ARMC8: variants seen among roughly 807,000 people sequenced by gnomAD.
The protein encoded by ARMC8 is armadillo repeat-containing protein 8.
In ARMC8, 20 loss-of-function variants were observed where a neutral mutation model predicts 99.3. That is an observed-to-expected ratio of 0.20 (90% CI 0.14 to 0.29). The LOEUF is 0.29. Ranked by LOEUF, ARMC8 falls within the 10% of genes least tolerant of loss-of-function variation. ARMC8 has a pLI of 1.00. For missense variants in ARMC8, 569 were observed against 809.5 expected, an observed-to-expected ratio of 0.70 and a Z score of 3.60; for synonymous variants, 263 against 278.3, an observed-to-expected ratio of 0.95 and a Z score of 0.55.
intron 2 of ARMC8, among the ~76,000 whole-genome samples, chr3:138,217,863 G>C (rs1480293703): frequency 7.2e-5 from 11 of 152,094 alleles, no homozygotes; most frequent in Admixed American, 6.5e-4. Flanking sequence ...GCACCCATGT[G>C]CCCAGACATG....
At chr3:138,199,496 A>AG (rs940733031) in intron 1 of ARMC8, among the ~76,000 whole-genome samples, 3 of 152,192 alleles carry the variant, frequency 2.0e-5, no homozygotes, top group African/African-American at 7.2e-5. Context: ...TTCCAAGTAG[A>AG]GGCAGATTTT....
At position 138,276,747 on chromosome 3, in the gene ARMC8, TAATG is replaced by T. The variant is rs200704694; in HGVS notation, c.1725+2206_1725+2209del. On this transcript the variant is annotated intron_variant, in intron 18 of 21. Transcript: ENST00000469044. ...ATACTGAAAACTATAAAAACACTGATAATGAAAGAAATCCAGGACCCAAATAAAT... is the reference window on the plus strand; with the variant it reads ...ATACTGAAAACTATAAAAACACTGATAAAGAAATCCAGGACCCAAATAAAT... Among the ~76,000 whole-genome samples the T allele has an allele frequency of 4.4e-4, 67 of 152,260 alleles. No individual in the cohort carries two copies. In the East Asian group the frequency reaches 0.013, roughly 29 times the overall value.
At chr3:138,196,046 T>G (rs747670677) in intron 1 of ARMC8, among the ~76,000 whole-genome samples, 11 of 152,168 alleles carry the variant, frequency 7.2e-5, no homozygotes, top group Admixed American at 1.3e-4. Flanking sequence ...TCTATTAATA[T>G]TGGGAGGTCT....
intron 21 of ARMC8, among the ~76,000 whole-genome samples, chr3:138,293,308 G>A (rs192967043): frequency 2.6e-5 from 4 of 152,310 alleles, no homozygotes; most frequent in Admixed American, 1.3e-4. Context: ...TTGGGAGGCC[G>A]AGGTAAGCGG....
chr3:138,217,811 AAATC>A (rs1485325875), intron 2 of ARMC8, among the ~76,000 whole-genome samples: 1 of 152,214 alleles, frequency 6.6e-6, no homozygotes, highest in Non-Finnish European at 1.5e-5. Context: ...ACAAAGTCAA[AAATC>A]AATCCTTGTC....
intron 12 of ARMC8, among the ~76,000 whole-genome samples, chr3:138,248,884 AC>A (rs1480307583): frequency 1.3e-5 from 2 of 152,214 alleles, no homozygotes; most frequent in Admixed American, 1.3e-4. Flanking sequence ...AATGTTAAGT[AC>A]GTATTGTAAC....
chr3:138,201,819 T>G (rs915357920), intron 1 of ARMC8, among the ~76,000 whole-genome samples: 1 of 152,210 alleles, frequency 6.6e-6, no homozygotes. Context: ...TCATCCTTAC[T>G]TAGAGATTAT....
rs1340964268 is a variant in ARMC8 at position 138,235,110 on chromosome 3, A to G, written c.605A>G (p.Tyr202Cys). The G allele has an allele frequency of 2.5e-6, 4 of 1,611,476 alleles. No individual in the cohort carries two copies. ...NIAHLLTSLS[Y>C]KVRMQALKCF... Reference sequence around the variant, plus strand: ...GCTCACCTACTAACCTCACTGTCCTACAAAGTAAGATGTTAAAAATTGTGG... The same window carrying G: ...GCTCACCTACTAACCTCACTGTCCTGCAAAGTAAGATGTTAAAAATTGTGG... The change falls in exon 7 of 22, where the codon TAC (tyrosine) becomes TGC (cysteine). Residue 202 changes from tyrosine to cysteine, a missense_variant. Around this residue, in one of 2 missense-constraint regions of ARMC8, gnomAD observed 342 missense variants for 391.6 expected, o/e 0.87. Coordinates refer to ENST00000469044, the MANE Select transcript of ARMC8 (RefSeq NM_001363941.2).
At chr3:138,260,341 A>G (rs960626433) in intron 12 of ARMC8, among the ~76,000 whole-genome samples, 1 of 152,178 alleles carries the variant, frequency 6.6e-6, no homozygotes, top group East Asian at 1.9e-4. Context: ...GAGATAAAAT[A>G]ATCATTACTG....
intron 5 of ARMC8, among the ~76,000 whole-genome samples, chr3:138,227,058 T>A (rs1421088331): frequency 6.6e-6 from 1 of 152,150 alleles, no homozygotes; most frequent in Non-Finnish European, 1.5e-5. Flanking sequence ...AAAAGCTGTT[T>A]GAGCAACTCT....
At chr3:138,188,668 T>G in intron 1 of ARMC8, 1 of 1,128,152 alleles carries the variant, frequency 8.9e-7, no homozygotes, top group Non-Finnish European at 1.3e-6. Context: ...GTTCCTAGAG[T>G]CTTGTAACTA....
chr3:138,290,156 C>T (rs986977271), intron 20 of ARMC8, among the ~76,000 whole-genome samples: 3 of 152,144 alleles, frequency 2.0e-5, no homozygotes, highest in Non-Finnish European at 4.4e-5. Context: ...GAAGATAAGA[C>T]CTGCTTAGAG....
intron 8 of ARMC8, 45 bp downstream of exon 8, chr3:138,237,429 A>C (rs1013413921): frequency 6.2e-7 from 1 of 1,611,024 alleles, no homozygotes; most frequent in Non-Finnish European, 8.5e-7. Flanking sequence ...TAATTGATGA[A>C]CTTTTTAGAT....
At chr3:138,222,266 A>C (rs1031960583) in intron 3 of ARMC8, among the ~76,000 whole-genome samples, 9 of 152,226 alleles carry the variant, frequency 5.9e-5, no homozygotes, top group African/African-American at 2.2e-4. Context: ...TAAAGTACAT[A>C]TGCAATGTAC....
At chr3:138,255,072 A>G (rs2047313166) in intron 12 of ARMC8, among the ~76,000 whole-genome samples, 1 of 152,080 alleles carries the variant, frequency 6.6e-6, no homozygotes, top group Admixed American at 6.5e-5. Flanking sequence ...CCTTCAAGAG[A>G]AAGGATCAAA....
Position 138,295,959 on chromosome 3 carries a change from C to T in ARMC8, c.*67C>T. ...TTTAAGGAAGTACAGGAACCAGCCT[C>T]ATTTGATTCCTTCTATTTGCACAAG... On this transcript the variant is annotated 3_prime_UTR_variant, in exon 22 of 22. Transcript: ENST00000469044. The T allele has an allele frequency of 6.5e-7, 1 of 1,539,652 alleles. No individual in the cohort carries two copies. The highest frequency in any genetic ancestry group is 8.9e-7 in the Non-Finnish European group (1 of 1,123,022).
At chr3:138,197,642 C>G (rs1246581029) in intron 1 of ARMC8, among the ~76,000 whole-genome samples, 3 of 152,174 alleles carry the variant, frequency 2.0e-5, no homozygotes, top group African/African-American at 7.2e-5. Context: ...GAGGATATCT[C>G]AGTCTTTGTG....
chr3:138,284,568 G>T, intron 19 of ARMC8, 42 bp downstream of exon 19: 1 of 1,399,468 alleles, frequency 7.1e-7, no homozygotes. Context: ...AGAATGCAGG[G>T]ACTGTTGCAT....
rs1250999383 is a variant in ARMC8 at position 138,246,930 on chromosome 3, A to G, written c.1134+1747A>G. On this transcript the variant is annotated intron_variant, in intron 12 of 21. Transcript: ENST00000469044. ...AAGCAAAGATACTGTGATATTATGTAATGGGGCTTATATAGCATTTTAAGG... is the reference window on the plus strand; with the variant it reads ...AAGCAAAGATACTGTGATATTATGTGATGGGGCTTATATAGCATTTTAAGG... 6.5e-6 allele frequency: 5 copies of G among 772,266 alleles called. No individual in the cohort carries two copies. The African/African-American group carries it at 7.6e-5, about 12-fold the overall frequency. The allele number at this position is 772,266 out of a possible 1,614,324, so 47.8% of individuals were successfully genotyped here.
Sources: gnomAD v4.1 joint callset for allele counts (sites outside exome capture counted in the v4.1 genomes callset) on GRCh38, gnomAD v4.1.1 for gene constraint, gnomAD v4.1.1 regional missense constraint, MANE v1.5 for transcripts, NCBI Gene and HGNC (gene_info 2026-07-23, HGNC 2026-07-21) for gene names.